HDAC9: variants seen among roughly 807,000 people sequenced by gnomAD.
The protein encoded by HDAC9 is histone deacetylase 9.
In HDAC9, 41 loss-of-function variants were observed where a neutral mutation model predicts 139.4. That is an observed-to-expected ratio of 0.29 (90% CI 0.23 to 0.38). The LOEUF is 0.38. Among genes scored for constraint, HDAC9 ranks in the 10% least tolerant of loss-of-function variants. The pLI, the probability that HDAC9 is intolerant of heterozygous loss-of-function variation, is 1.00. For missense variants in HDAC9, 1,147 were observed against 1,297.0 expected, an observed-to-expected ratio of 0.88 and a Z score of 1.78; for synonymous variants, 517 against 476.2, an observed-to-expected ratio of 1.09 and a Z score of -1.12.
At chr7:18,510,271 A>G (rs901249647) in intron 2 of HDAC9, among the ~76,000 whole-genome samples, 1 of 152,332 alleles carries the variant, frequency 6.6e-6, no homozygotes. Context: ...TTTTCAATGA[A>G]TAATGAATGC....
chr7:18,503,897 G>A (rs1217755375), intron 2 of HDAC9, among the ~76,000 whole-genome samples: 6 of 152,168 alleles, frequency 3.9e-5, no homozygotes, highest in African/African-American at 1.2e-4. Flanking sequence ...ATTTTCAAAT[G>A]AGAATGTCAT....
At chr7:18,705,969 G>A (rs530172500) in intron 12 of HDAC9, among the ~76,000 whole-genome samples, 1 of 151,884 alleles carries the variant, frequency 6.6e-6, no homozygotes, top group East Asian at 1.9e-4. Flanking sequence ...TAATCCTGTA[G>A]TGGAAAGGAA....
At chr7:18,788,076 C>T (rs747418987) in intron 16 of HDAC9, among the ~76,000 whole-genome samples, 4 of 152,140 alleles carry the variant, frequency 2.6e-5, no homozygotes, top group Non-Finnish European at 5.9e-5. Flanking sequence ...GGTTCCATGG[C>T]AACCTCTCTG....
At chr7:18,753,846 A>G (rs1409411502) in intron 14 of HDAC9, among the ~76,000 whole-genome samples, 4 of 152,082 alleles carry the variant, frequency 2.6e-5, no homozygotes, top group East Asian at 3.8e-4. Context: ...GTTAGGCAAG[A>G]TATTTGCTAG....
chr7:18,276,301 C>T (rs1051918793), intron 2 of HDAC9, among the ~76,000 whole-genome samples: 2 of 152,118 alleles, frequency 1.3e-5, no homozygotes, highest in Non-Finnish European at 2.9e-5. Flanking sequence ...CAAGAAAGAG[C>T]TTTCCCAAGA....
At chr7:18,552,911 A>C (rs1431516691) in intron 2 of HDAC9, among the ~76,000 whole-genome samples, 1 of 152,232 alleles carries the variant, frequency 6.6e-6, no homozygotes, top group Admixed American at 6.5e-5. Context: ...TACCTTAATA[A>C]AAACTGCTAA....
intron 22 of HDAC9, among the ~76,000 whole-genome samples, chr7:18,878,909 C>T (rs1799521090): frequency 6.6e-6 from 1 of 152,090 alleles, no homozygotes; most frequent in Non-Finnish European, 1.5e-5. Flanking sequence ...GTTAGAAAAC[C>T]CCACAGTCTT....
chr7:18,901,018 C>A (rs893398101), intron 22 of HDAC9, among the ~76,000 whole-genome samples: 2 of 152,158 alleles, frequency 1.3e-5, no homozygotes, highest in East Asian at 3.9e-4. Flanking sequence ...AATATTCCCA[C>A]TGGCACAATC....
chr7:18,260,716 A>G (rs1226743291), intron 2 of HDAC9, among the ~76,000 whole-genome samples: 1 of 152,236 alleles, frequency 6.6e-6, no homozygotes, highest in East Asian at 1.9e-4. Flanking sequence ...GTTTATAAGG[A>G]ATTAATAATT....
At chr7:18,562,593 T>C (rs1248438810) in intron 2 of HDAC9, among the ~76,000 whole-genome samples, 7 of 152,158 alleles carry the variant, frequency 4.6e-5, no homozygotes, top group Non-Finnish European at 4.4e-5. Context: ...GGATTCTAAT[T>C]TCTATACCAT....
chr7:18,901,652 A>G (rs947823401), intron 22 of HDAC9, among the ~76,000 whole-genome samples: 3 of 152,220 alleles, frequency 2.0e-5, no homozygotes, highest in Admixed American at 1.3e-4. Context: ...ATTTTACCAC[A>G]TATAAATATG....
chr7:18,231,100 G>A (rs1307715418), intron 2 of HDAC9, among the ~76,000 whole-genome samples: 1 of 152,148 alleles, frequency 6.6e-6, no homozygotes, highest in South Asian at 2.1e-4. Context: ...CCTTTGCTGT[G>A]GTGATACAGG....
intron 8 of HDAC9, among the ~76,000 whole-genome samples, chr7:18,640,200 C>G (rs997247830): frequency 6.7e-6 from 1 of 149,470 alleles, no homozygotes; most frequent in East Asian, 2.0e-4. Flanking sequence ...GAGTTTAAGA[C>G]GAGCCTGGGC....
At chr7:18,783,822 T>C (rs1277749609) in intron 16 of HDAC9, among the ~76,000 whole-genome samples, 1 of 152,088 alleles carries the variant, frequency 6.6e-6, no homozygotes, top group African/African-American at 2.4e-5. Flanking sequence ...AAGTGAATTA[T>C]TGTCAATATT....
intron 2 of HDAC9, among the ~76,000 whole-genome samples, chr7:18,562,366 C>G (rs1336038299): frequency 6.6e-6 from 1 of 152,020 alleles, no homozygotes; most frequent in Non-Finnish European, 1.5e-5. Flanking sequence ...ATTTTGTTAC[C>G]TAATAAACCA....
At chr7:18,250,240 G>T (rs1055741473) in intron 2 of HDAC9, among the ~76,000 whole-genome samples, 8 of 152,286 alleles carry the variant, frequency 5.3e-5, no homozygotes, top group Non-Finnish European at 8.8e-5. Context: ...GGGTTTAGAG[G>T]CAACATCTAA....
At chr7:18,391,064 G>C (rs1479169908) in intron 1 of HDAC9, among the ~76,000 whole-genome samples, 1 of 152,100 alleles carries the variant, frequency 6.6e-6, no homozygotes, top group African/African-American at 2.4e-5. Flanking sequence ...ACTCCAGCCT[G>C]GGCAATAGAG....
chr7:18,107,015 T>C (rs572772529), intron 1 of HDAC9, among the ~76,000 whole-genome samples: 93 of 152,328 alleles, frequency 6.1e-4, no homozygotes, highest in Non-Finnish European at 1.2e-3. Context: ...TTTTTGAGTG[T>C]GCATGTAAGT....
At chr7:18,560,839 G>A (rs1389992238) in intron 2 of HDAC9, among the ~76,000 whole-genome samples, 1 of 152,088 alleles carries the variant, frequency 6.6e-6, no homozygotes, top group Non-Finnish European at 1.5e-5. Context: ...TAGAGAGAGA[G>A]AATATGTTAA....
Sources: gnomAD v4.1 joint callset for allele counts (sites outside exome capture counted in the v4.1 genomes callset) on GRCh38, gnomAD v4.1.1 for gene constraint, MANE v1.5 for transcripts, NCBI Gene and HGNC (gene_info 2026-07-23, HGNC 2026-07-21) for gene names.